Variants in RAD23B observed in about 807,000 individuals in gnomAD.
RAD23B encodes RAD23 nucleotide excision repair protein B.
Under a neutral mutation model 49.1 loss-of-function variants are expected in RAD23B, and 5 were observed. The observed-to-expected ratio is 0.10, with a 90% CI of 0.05 to 0.21. The LOEUF is 0.21. RAD23B is among the 10% of genes least tolerant of loss of function. The pLI is 1.00. For synonymous variants in RAD23B, 184 were observed against 165.4 expected (o/e 1.11, Z -0.86); for missense variants, 356 against 486.7 (o/e 0.73, Z 2.53).
chr9:107,317,942 A>G (rs970581563), intron 5 of RAD23B, among the ~76,000 whole-genome samples: 2 of 152,078 alleles, frequency 1.3e-5, no homozygotes, highest in Admixed American at 1.3e-4. Context: ...TAAGGTATCA[A>G]AGGGAAACTG....
chr9:107,327,212 G>T (rs929188003), intron 9 of RAD23B, among the ~76,000 whole-genome samples: 2 of 151,796 alleles, frequency 1.3e-5, no homozygotes, highest in African/African-American at 4.8e-5. Context: ...AAATAACTTT[G>T]GGTTTTGTTG....
chr9:107,306,046 TA>T (rs1564245456), intron 3 of RAD23B, among the ~76,000 whole-genome samples: 887 of 19,004 alleles, frequency 0.047, 29 homozygotes, highest in African/African-American at 0.23. Context: ...TGATACGGTT[TA>T]TATCTATATA....
At chr9:107,326,496 A>G (rs1325378110) in intron 9 of RAD23B, among the ~76,000 whole-genome samples, 1 of 151,214 alleles carries the variant, frequency 6.6e-6, no homozygotes, top group Non-Finnish European at 1.5e-5. Context: ...AAAAAAAAAA[A>G]AAGAATTGGT....
intron 4 of RAD23B, among the ~76,000 whole-genome samples, chr9:107,311,299 C>A (rs10816490): frequency 6.6e-6 from 1 of 152,008 alleles, no homozygotes; most frequent in Non-Finnish European, 1.5e-5. Context: ...ATTTTGTATA[C>A]TGCTTTTGAT....
chr9:107,287,530 C>T (rs1164975576), intron 1 of RAD23B, among the ~76,000 whole-genome samples: 2 of 152,052 alleles, frequency 1.3e-5, no homozygotes, highest in East Asian at 3.9e-4. Flanking sequence ...TGAAGAATTA[C>T]CTAATTTCGT....
At chr9:107,291,015 C>CA (rs1165858774) in intron 1 of RAD23B, among the ~76,000 whole-genome samples, 3 of 152,156 alleles carry the variant, frequency 2.0e-5, no homozygotes, top group African/African-American at 7.2e-5. Flanking sequence ...TTTATAGTGT[C>CA]ACGAAAGCTA....
At chr9:107,312,294 A>T (rs1826903292) in intron 5 of RAD23B, among the ~76,000 whole-genome samples, 1 of 152,190 alleles carries the variant, frequency 6.6e-6, no homozygotes, top group South Asian at 2.1e-4. Flanking sequence ...AGCATCTCTG[A>T]TACAGTTCCT....
chr9:107,320,665 TATGTA>T (rs1827091426), intron 6 of RAD23B, among the ~76,000 whole-genome samples: 1 of 152,222 alleles, frequency 6.6e-6, no homozygotes, highest in Admixed American at 6.5e-5. Context: ...TATAAGAGGC[TATGTA>T]ATGTGTGAGA....
At chr9:107,301,201 T>G (rs544508997) in intron 2 of RAD23B, among the ~76,000 whole-genome samples, 2 of 152,232 alleles carry the variant, frequency 1.3e-5, no homozygotes, top group East Asian at 3.8e-4. Flanking sequence ...CATCTTGCCC[T>G]TTCTTGTGTA....
intron 1 of RAD23B, among the ~76,000 whole-genome samples, chr9:107,297,592 G>A (rs1181543421): frequency 6.6e-6 from 1 of 152,104 alleles, no homozygotes; most frequent in East Asian, 1.9e-4. Flanking sequence ...GTCTGCCTTG[G>A]CCTCCCAAAG....
chr9:107,321,668 A>G (rs1587862860), intron 6 of RAD23B, among the ~76,000 whole-genome samples: 2 of 152,210 alleles, frequency 1.3e-5, no homozygotes, highest in East Asian at 1.9e-4. Flanking sequence ...TTCAAATTTG[A>G]TGCTAATTAC....
Position 107,329,644 on chromosome 9 carries a change from T to C in RAD23B, c.1218T>C (p.Phe406=), listed in dbSNP as rs149083108. The stretch of plus-strand genomic sequence containing the variant: ...CCAATTTTCTTCTACAGCAGAACTT[T>C]GATGAAGATTGAAAGGGACTTTTTT... ...LAANFLLQQN[F]DED is the part of the protein sequence containing the mutation. The change falls in exon 10 of 10, where the codon TTT becomes TTC. Residue 406 remains phenylalanine, a synonymous_variant. Transcript: ENST00000358015. The C allele has an allele frequency of 7.5e-6, 12 of 1,609,038 alleles. No homozygotes were observed. Among genetic ancestry groups the C allele is most frequent in the Non-Finnish European group, 1.0e-5 (12 of 1,175,742 alleles).
At chr9:107,306,049 ATC>A (rs200758188) in intron 3 of RAD23B, among the ~76,000 whole-genome samples, 35,663 of 78,578 alleles carry the variant, frequency 0.45, 6,931 homozygotes, top group African/African-American at 0.61. Flanking sequence ...TACGGTTTAT[ATC>A]TATATATATA....
intron 4 of RAD23B, among the ~76,000 whole-genome samples, chr9:107,307,023 G>A (rs1587855327): frequency 6.6e-6 from 1 of 151,940 alleles, no homozygotes; most frequent in South Asian, 2.1e-4. Flanking sequence ...TGTATTCTTT[G>A]TGGTCATTGT....
At position 107,318,414 on chromosome 9, in the gene RAD23B, C is replaced by G. The variant is rs190252933; in HGVS notation, c.554-338C>G. 7.2e-5 allele frequency among the ~76,000 whole-genome samples: 11 copies of G among 152,198 alleles called. No homozygotes were observed. The highest frequency in any genetic ancestry group is 2.7e-4 in the African/African-American group (11 of 41,446). On this transcript the variant is annotated intron_variant, in intron 5 of 9. Transcript: ENST00000358015. The surrounding 1 kb of genome is among the most constrained non-coding windows in gnomAD (Gnocchi z 4.3). ...TCTCTGACCCTCTCATCTGCCTCCT[C>G]CTACTACTATTAAGGATTCATGTCA...
intron 1 of RAD23B, chr9:107,284,131 C>T (rs978263743): frequency 1.5e-5 from 15 of 992,942 alleles, no homozygotes; most frequent in Non-Finnish European, 1.7e-5. Flanking sequence ...AGTTGGTAAC[C>T]CGAGAAGATG....
Position 107,307,768 on chromosome 9 carries a change from G to A in RAD23B, c.497+1121G>A, listed in dbSNP as rs560254599. 2.0e-5 allele frequency among the ~76,000 whole-genome samples: 3 copies of A among 152,232 alleles called. No homozygotes were observed. The East Asian group carries it at 5.8e-4, about 29-fold the overall frequency. On this transcript the variant is annotated intron_variant, in intron 4 of 9. Coordinates refer to ENST00000358015, the MANE Select transcript of RAD23B (RefSeq NM_002874.5). ...CCACCTGGTTCATTGCTTACTTGGG[G>A]GTCTCTTTCTAAATAATTGATTCCC...
intron 5 of RAD23B, among the ~76,000 whole-genome samples, chr9:107,316,783 T>C (rs1445207994): frequency 6.6e-6 from 1 of 151,626 alleles, no homozygotes; most frequent in African/African-American, 2.4e-5. Context: ...ACAGTCAAAC[T>C]TGCATTCAGT....
chr9:107,283,358 T>C lies in RAD23B; in HGVS notation c.-272T>C. 2.4e-6 allele frequency: 1 copy of C among 424,278 alleles called. No homozygotes were observed. Among genetic ancestry groups the C allele is most frequent in the East Asian group, 3.5e-5 (1 of 28,238 alleles). 26.3% of individuals were successfully genotyped at this position (424,278 alleles called of 1,614,324 possible). A position where few individuals can be genotyped will look rare whatever the true frequency, so the allele number is the denominator to read the frequency against. On this transcript the variant is annotated 5_prime_UTR_variant, in exon 1 of 10. Coordinates refer to ENST00000358015, the MANE Select transcript of RAD23B (RefSeq NM_002874.5). ...GTCTCGCCGACCCCCTCGCGCCTTCTGCAGACTCCGTGGCTGGCGCTCGGC... is the reference window on the plus strand; with the variant it reads ...GTCTCGCCGACCCCCTCGCGCCTTCCGCAGACTCCGTGGCTGGCGCTCGGC...
Sources: allele counts gnomAD v4.1 joint callset (sites outside exome capture counted in the v4.1 genomes callset), GRCh38; gene constraint gnomAD v4.1.1; non-coding constraint Gnocchi (gnomAD v3.1); transcripts MANE v1.5; gene names NCBI Gene and HGNC (gene_info 2026-07-23, HGNC 2026-07-21).